EP300: variants seen among roughly 807,000 people sequenced by gnomAD.
The protein encoded by EP300 is histone acetyltransferase p300.
In EP300, 31 loss-of-function variants were observed where a neutral mutation model predicts 264.0. The ratio of observed to expected loss-of-function variants is 0.12; its 90% CI spans 0.09 to 0.16. EP300 has a LOEUF of 0.16. Among genes scored for constraint, EP300 ranks in the 10% least tolerant of loss-of-function variants. The pLI is 1.00. For synonymous variants in EP300, 1,340 were observed against 1,045.4 expected (o/e 1.28, Z -5.44); for missense variants, 2,766 against 3,052.9 (o/e 0.91, Z 2.21).
In EP300 at chr22:41,169,636, G is replaced by A. The variant is rs2145765395; in HGVS notation, c.4286+20G>A. The A allele has an allele frequency of 1.4e-6, 2 of 1,437,342 alleles. No individual in the cohort carries two copies. The highest frequency in any genetic ancestry group is 1.1e-5 in the South Asian group (1 of 87,296). The allele number at this position is 1,437,342 out of a possible 1,614,324, so 89.0% of individuals were successfully genotyped here. On this transcript the variant is annotated intron_variant, in intron 26 of 30. Coordinates refer to ENST00000263253, the MANE Select transcript of EP300 (RefSeq NM_001429.4). ...ATTAGGGTAAGCATATTTTGATAAT[G>A]GCTTTTTTTCTTTAACTAGCATGGC...
intron 4 of EP300, among the ~76,000 whole-genome samples, chr22:41,129,556 T>C (rs1048103170): frequency 6.6e-6 from 1 of 152,226 alleles, no homozygotes; most frequent in African/African-American, 2.4e-5. Context: ...AGTGTTCTTA[T>C]AGGCATGTGT....
intron 19 of EP300, chr22:41,159,177 A>G (rs998946629): frequency 6.5e-5 from 10 of 152,846 alleles, no homozygotes; most frequent in African/African-American, 2.4e-4. Context: ...GTGATCAGCT[A>G]CAAGTATAGC....
At chr22:41,110,014 A>G (rs1168058821) in intron 1 of EP300, among the ~76,000 whole-genome samples, 1 of 151,096 alleles carries the variant, frequency 6.6e-6, no homozygotes, top group African/African-American at 2.4e-5. Flanking sequence ...GGGTTTCACC[A>G]TCTTGGCCAG....
Position 41,092,855 on chromosome 22 carries a change from G to T in EP300, c.-150G>T. ...CATCCCTCTCCAGCCACTGCGACCC[G>T]GCGAAGAGAAAAAGGAACTTCCCCC... On this transcript the variant is annotated 5_prime_UTR_variant, in exon 1 of 31. Transcript: ENST00000263253. The T allele has an allele frequency of 2.4e-6, 2 of 845,046 alleles. No individual in the cohort carries two copies. Among genetic ancestry groups the T allele is most frequent in the Non-Finnish European group, 4.1e-6 (2 of 490,708 alleles). The allele number at this position is 845,046 out of a possible 1,614,324, so 52.3% of individuals were successfully genotyped here. A position where few individuals can be genotyped will look rare whatever the true frequency, so the allele number is the denominator to read the frequency against.
intron 1 of EP300, among the ~76,000 whole-genome samples, chr22:41,104,262 T>C (rs1322038563): frequency 4.6e-5 from 7 of 152,102 alleles, no homozygotes; most frequent in East Asian, 1.9e-4. Flanking sequence ...GGGATTTTAA[T>C]AAATAATAGT....
chr22:41,176,574 G>A, intron 30 of EP300, 46 bp downstream of exon 30: 1 of 1,612,198 alleles, frequency 6.2e-7, no homozygotes, highest in African/African-American at 1.3e-5. Context: ...CCGCAGGGTT[G>A]TTCTGAGGGG....
intron 1 of EP300, among the ~76,000 whole-genome samples, chr22:41,114,013 C>T (rs1422109761): frequency 1.3e-5 from 2 of 151,994 alleles, no homozygotes; most frequent in African/African-American, 4.8e-5. Context: ...AAAATATTTT[C>T]TTGGATACTC....
intron 6 of EP300, among the ~76,000 whole-genome samples, chr22:41,134,163 C>CTTTTTTTT (rs11362436): frequency 3.2e-3 from 336 of 105,212 alleles, no homozygotes; most frequent in Non-Finnish European, 3.9e-3. Flanking sequence ...TCATTCTTTT[C>CTTTTTTTT]TTTTTTTTTT....
chr22:41,127,458 A>G (rs556162120), intron 3 of EP300, 29 bp from the exon 4 acceptor site: 14 of 1,613,294 alleles, frequency 8.7e-6, no homozygotes, highest in East Asian at 4.5e-5. Flanking sequence ...TATGACTCCT[A>G]CCATTAAATA....
At chr22:41,153,457 G>A (rs1272279405) in intron 16 of EP300, among the ~76,000 whole-genome samples, 1 of 152,094 alleles carries the variant, frequency 6.6e-6, no homozygotes, top group Non-Finnish European at 1.5e-5. Context: ...CTTACTATTG[G>A]CAATCTCTCT....
chr22:41,167,596 A>G (rs1380225248), intron 23 of EP300, among the ~76,000 whole-genome samples: 262 of 13,102 alleles, frequency 0.02, 1 homozygote, highest in Middle Eastern at 0.036. Flanking sequence ...ATATATATAT[A>G]TATATATATA....
intron 19 of EP300, chr22:41,160,003 G>A (rs1301793906): frequency 1.5e-5 from 2 of 130,982 alleles, no homozygotes; most frequent in Non-Finnish European, 3.2e-5. Context: ...GTTTTCTGCA[G>A]TTGTATCTAT....
chr22:41,125,137 G>A (rs1310656864), intron 2 of EP300, among the ~76,000 whole-genome samples: 1 of 28,472 alleles, frequency 3.5e-5, no homozygotes, highest in Non-Finnish European at 6.8e-5. Context: ...TTTTTTTTTT[G>A]AGATGGAGTC....
chr22:41,177,888 G>GTCTCCCAGC lies in EP300; in HGVS notation c.6184_6192dup (p.Ser2062_Pro2064dup). ...TACAAAACCTTTTGCGGACTCTCAGGTCTCCCAGCTCTCCCCTGCAGCAGC... is the reference window on the plus strand; with the variant it reads ...TACAAAACCTTTTGCGGACTCTCAGGTCTCCCAGCTCTCCCAGCTCTCCCCTGCAGCAGC... On this transcript the variant is annotated inframe_insertion, in exon 31 of 31. Transcript: ENST00000263253. 1.2e-6 allele frequency: 2 copies of GTCTCCCAGC among 1,614,154 alleles called. No individual in the cohort carries two copies. The highest frequency in any genetic ancestry group is 1.7e-6 in the Non-Finnish European group (2 of 1,180,018).
intron 1 of EP300, among the ~76,000 whole-genome samples, chr22:41,111,483 AAC>A (rs1279544700): frequency 1.3e-5 from 2 of 152,188 alleles, no homozygotes; most frequent in Non-Finnish European, 2.9e-5. Context: ...TTTCTATGTC[AAC>A]AGTTATATTA....
chr22:41,176,988 G>A lies in EP300; in HGVS notation c.5277G>A (p.Gln1759=), dbSNP rs2059204415. The A allele has an allele frequency of 6.2e-7, 1 of 1,614,208 alleles. No homozygotes were observed. Among genetic ancestry groups the A allele is most frequent in the Non-Finnish European group, 8.5e-7 (1 of 1,180,036 alleles). ...RNANCSLPSC[Q]KMKRVVQHTK... is the part of the protein sequence containing the mutation. The stretch of plus-strand genomic sequence containing the variant: ...CCAATTGCTCACTGCCATCCTGCCA[G>A]AAGATGAAGCGGGTTGTGCAGCATA... Residue 1759 remains glutamine (Q), a synonymous_variant, in exon 31 of 31, where the codon CAG becomes CAA. Transcript: ENST00000263253.
At chr22:41,133,261 G>A (rs995615377) in intron 6 of EP300, among the ~76,000 whole-genome samples, 3 of 149,486 alleles carry the variant, frequency 2.0e-5, no homozygotes, top group Non-Finnish European at 3.0e-5. Context: ...GGTTCAAGCA[G>A]TTCTTCCTGC....
intron 8 of EP300, 129 bp downstream of exon 8, chr22:41,137,919 C>A (rs189212833): frequency 4.8e-6 from 6 of 1,251,604 alleles, no homozygotes; most frequent in African/African-American, 1.5e-5. Flanking sequence ...GATGTTGATA[C>A]TTCTACTCTT....
Position 41,147,857 on chromosome 22 carries a change from A to G in EP300, c.2152A>G (p.Met718Val). 2 of 1,614,092 alleles carry G rather than the reference A, an allele frequency of 1.2e-6. No homozygotes were observed. The highest frequency in any genetic ancestry group is 1.7e-6 in the Non-Finnish European group (2 of 1,179,960). Residue 718 changes from methionine (M) to valine (V), a missense_variant, in exon 12 of 31, where the codon ATG becomes GTG. Coordinates refer to ENST00000263253, the MANE Select transcript of EP300 (RefSeq NM_001429.4). ...PQSGLNQFGQ[M>V]SMAQPPIVPR... The stretch of plus-strand genomic sequence containing the variant: ...CACAGGTTTGAATCAATTTGGCCAG[A>G]TGAGCATGGCCCAGCCCCCTATTGT...
Sources: gnomAD v4.1 joint callset for allele counts (sites outside exome capture counted in the v4.1 genomes callset) on GRCh38, gnomAD v4.1.1 for gene constraint, MANE v1.5 for transcripts, NCBI Gene and HGNC (gene_info 2026-07-23, HGNC 2026-07-21) for gene names.